The following PTGR3 variants were observed in gnomAD, a reference collection of about 807,000 sequenced individuals.
The protein encoded by PTGR3 is zinc binding alcohol dehydrogenase domain containing 2.
chr18:75,205,092 T>G, the PTGR3 span: 1 of 941,096 alleles, frequency 1.1e-6, no homozygotes, highest in Admixed American at 6.2e-5. Flanking sequence ...CTGCCTCCGG[T>G]TCGCGGACCC....
chr18:75,201,793 A>C, the PTGR3 span: 8 of 1,614,204 alleles, frequency 5.0e-6, no homozygotes, highest in Admixed American at 1.3e-4. Context: ...GCCAAGTCAA[A>C]CATGGCTCCC....
the PTGR3 span, among the ~76,000 whole-genome samples, chr18:75,207,210 C>T: frequency 6.6e-6 from 1 of 152,246 alleles, no homozygotes; most frequent in Admixed American, 6.5e-5. Context: ...TGCCCTTCCT[C>T]GCTCAGTCGC....
At chr18:75,205,755 AAG>A in the PTGR3 span, among the ~76,000 whole-genome samples, 2 of 150,052 alleles carry the variant, frequency 1.3e-5, no homozygotes, top group East Asian at 2.0e-4. Flanking sequence ...AAGAAAAAGA[AAG>A]AAAGAAACAA....
chr18:75,207,243 T>G, the PTGR3 span, among the ~76,000 whole-genome samples: 1 of 152,196 alleles, frequency 6.6e-6, no homozygotes, highest in African/African-American at 2.4e-5. Flanking sequence ...TCACACCATT[T>G]CCAAAAGGAA....
the PTGR3 span, chr18:75,205,254 A>AG: frequency 6.1e-6 from 6 of 985,652 alleles, no homozygotes; most frequent in Non-Finnish European, 7.2e-6. Flanking sequence ...CAAGCGCAGC[A>AG]GGCGCAAAGC....
chr18:75,206,617 C>A, the PTGR3 span, among the ~76,000 whole-genome samples: 1 of 152,200 alleles, frequency 6.6e-6, no homozygotes, highest in East Asian at 1.9e-4. Flanking sequence ...GTGGTGGGAG[C>A]AGATTTTCCA....
the PTGR3 span, among the ~76,000 whole-genome samples, chr18:75,206,737 G>C: frequency 1.3e-5 from 2 of 152,196 alleles, no homozygotes; most frequent in African/African-American, 2.4e-5. Context: ...GGGTTAGGTT[G>C]TTCATATGGA....
chr18:75,204,437 G>C, the PTGR3 span, among the ~76,000 whole-genome samples: 2 of 152,240 alleles, frequency 1.3e-5, no homozygotes, highest in East Asian at 3.9e-4. Context: ...CAGCCAGCCA[G>C]CGGCTGCTTG....
chr18:75,202,677 AAAG>A, the PTGR3 span, among the ~76,000 whole-genome samples: 9 of 151,950 alleles, frequency 5.9e-5, no homozygotes, highest in African/African-American at 2.2e-4. Context: ...AAAAAAAAAA[AAAG>A]AAAAGAAGGA....
At chr18:75,201,505 TG>T in the PTGR3 span, 2 of 1,614,232 alleles carry the variant, frequency 1.2e-6, no homozygotes, top group Non-Finnish European at 1.7e-6. Context: ...GCACGGAATA[TG>T]GACTCCAGGC....
chr18:75,201,682 G>A, the PTGR3 span: 1 of 1,614,056 alleles, frequency 6.2e-7, no homozygotes, highest in Non-Finnish European at 8.5e-7. Context: ...AGTTTGGCTG[G>A]CAATGTTCCT....
At chr18:75,205,066 TGTCTCCTTG>T in the PTGR3 span, 14 of 818,356 alleles carry the variant, frequency 1.7e-5, no homozygotes, top group Non-Finnish European at 2.1e-5. Flanking sequence ...CGCGCCGCGC[TGTCTCCTTG>T]GTCTCCCTGC....
At chr18:75,203,067 TCA>T in the PTGR3 span, among the ~76,000 whole-genome samples, 17 of 152,228 alleles carry the variant, frequency 1.1e-4, no homozygotes, top group Non-Finnish European at 2.5e-4. Flanking sequence ...ATTCAACATT[TCA>T]CAGTCCTTTT....
the PTGR3 span, chr18:75,205,307 G>A: frequency 1.0e-6 from 1 of 985,718 alleles, no homozygotes; most frequent in South Asian, 4.7e-5. Flanking sequence ...GAAGGGCCAG[G>A]GAGCCACAGA....
At chr18:75,195,693 A>G in the PTGR3 span, 51,545 of 152,060 alleles carry the variant, frequency 0.34, 10,387 homozygotes, top group East Asian at 0.43. Context: ...CAGGAAAGTC[A>G]CTTGAGCCCA....
chr18:75,204,545 C>A, the PTGR3 span, among the ~76,000 whole-genome samples: 12 of 152,222 alleles, frequency 7.9e-5, no homozygotes, highest in African/African-American at 2.9e-4. Context: ...GCGGGGCCCG[C>A]GTGCCCGTCC....
chr18:75,204,006 G>T, the PTGR3 span, among the ~76,000 whole-genome samples: 1 of 152,190 alleles, frequency 6.6e-6, no homozygotes, highest in Non-Finnish European at 1.5e-5. Context: ...TGGAAGTGGG[G>T]GGACAGGAGC....
the PTGR3 span, chr18:75,195,641 G>C: frequency 6.6e-6 from 1 of 152,096 alleles, no homozygotes. Flanking sequence ...GGCATGTTGC[G>C]GTGGCTTATG....
chr18:75,198,347 C>A, the PTGR3 span: 13 of 152,308 alleles, frequency 8.5e-5, no homozygotes, highest in Admixed American at 8.5e-4. Flanking sequence ...TAATAAGAAG[C>A]AGCTACTTGT....
Sources: gnomAD v4.1 joint callset for allele counts (sites outside exome capture counted in the v4.1 genomes callset) on GRCh38, gnomAD v4.1.1 for gene constraint, MANE v1.5 for transcripts, NCBI Gene and HGNC (gene_info 2026-07-23, HGNC 2026-07-21) for gene names.